The following VTI1A variants were observed in gnomAD, a reference collection of about 807,000 sequenced individuals.
VTI1A encodes the protein vesicle transport through interaction with t-SNAREs 1A.
VTI1A carries 22 observed loss-of-function variants against 34.9 expected under a neutral mutation model. The ratio of observed to expected loss-of-function variants is 0.63; its 90% CI spans 0.45 to 0.90. The LOEUF (loss-of-function observed/expected upper bound fraction) is 0.90. Ranked by LOEUF, VTI1A falls within the 40% of genes least tolerant of loss-of-function variation. VTI1A has a pLI of 0.00. For synonymous variants in VTI1A, 87 were observed against 97.3 expected (o/e 0.89, Z 0.62); for missense variants, 268 against 275.6 (o/e 0.97, Z 0.20).
intron 3 of VTI1A, among the ~76,000 whole-genome samples, chr10:112,478,677 G>A (rs1427552450): frequency 6.6e-6 from 1 of 152,108 alleles, no homozygotes; most frequent in African/African-American, 2.4e-5. Flanking sequence ...CTCTATGATA[G>A]TAGAGTCAGA....
chr10:112,667,157 T>A (rs1361367202), intron 5 of VTI1A, among the ~76,000 whole-genome samples: 3 of 152,158 alleles, frequency 2.0e-5, no homozygotes. Context: ...TTAAATTACT[T>A]GTTATTATTA....
intron 3 of VTI1A, among the ~76,000 whole-genome samples, chr10:112,513,459 A>G (rs1475698237): frequency 6.6e-6 from 1 of 152,040 alleles, no homozygotes; most frequent in Non-Finnish European, 1.5e-5. Context: ...GGTTTTCTAT[A>G]TATAAGGTTA....
In VTI1A at chr10:112,557,940, A is replaced by G. The variant is rs1258751073; in HGVS notation, c.427+19610A>G. Among the ~76,000 whole-genome samples, 3 of 152,234 alleles carry G rather than the reference A, an allele frequency of 2.0e-5. 1 individual carries two copies. Among genetic ancestry groups the G allele is most frequent in the Non-Finnish European group, 4.4e-5 (3 of 68,042 alleles). ...TTTAACCTTTACATAGCAATTAGAA[A>G]CAGATAAGAACAAAGATATTGTTCT... On this transcript the variant is annotated intron_variant, in intron 5 of 7. Transcript: ENST00000393077.
At chr10:112,510,754 C>T (rs1023711771) in intron 3 of VTI1A, among the ~76,000 whole-genome samples, 2 of 152,226 alleles carry the variant, frequency 1.3e-5, no homozygotes, top group African/African-American at 2.4e-5. Flanking sequence ...TTATTTTGAA[C>T]TGATAACTTT....
intron 7 of VTI1A, among the ~76,000 whole-genome samples, chr10:112,741,727 A>G (rs1850701752): frequency 1.3e-5 from 2 of 152,208 alleles, no homozygotes; most frequent in African/African-American, 4.8e-5. Context: ...TCAAAAATCA[A>G]CATATCTGAA....
chr10:112,501,991 A>G (rs1162172292), intron 3 of VTI1A, among the ~76,000 whole-genome samples: 2 of 150,434 alleles, frequency 1.3e-5, no homozygotes, highest in African/African-American at 2.4e-5. Flanking sequence ...AAGTAGCAAA[A>G]TATCTCTCTG....
intron 7 of VTI1A, among the ~76,000 whole-genome samples, chr10:112,805,641 T>G (rs1475556452): frequency 6.6e-6 from 1 of 152,242 alleles, no homozygotes; most frequent in Non-Finnish European, 1.5e-5. Flanking sequence ...TAAACCAATG[T>G]GACCGGTGTC....
chr10:112,662,703 AT>A (rs1847504276), intron 5 of VTI1A, among the ~76,000 whole-genome samples: 1 of 152,102 alleles, frequency 6.6e-6, no homozygotes, highest in Non-Finnish European at 1.5e-5. Context: ...GCATGTCACA[AT>A]TTTATAGTAT....
At position 112,817,459 on chromosome 10, in the gene VTI1A, G is replaced by A. The variant is rs549690306; in HGVS notation, c.*2076G>A. ...ATAGCTTTTTTCGTTCAAGTTCTATGTCTTTATCAGCTCTTGCCTGTGATT... is the reference window on the plus strand; with the variant it reads ...ATAGCTTTTTTCGTTCAAGTTCTATATCTTTATCAGCTCTTGCCTGTGATT... On this transcript the variant is annotated 3_prime_UTR_variant, in exon 8 of 8. Transcript: ENST00000393077. 1.8e-4 allele frequency: 41 copies of A among 230,892 alleles called. No individual in the cohort carries two copies. The highest frequency in any genetic ancestry group is 1.2e-4 in the Non-Finnish European group (14 of 116,612). The allele number at this position is 230,892 out of a possible 1,614,324, so 14.3% of individuals were successfully genotyped here.
chr10:112,528,693 T>G (rs139215047), intron 4 of VTI1A, among the ~76,000 whole-genome samples: 1 of 152,160 alleles, frequency 6.6e-6, no homozygotes, highest in Non-Finnish European at 1.5e-5. Context: ...AAAAACACTA[T>G]CTTTTTTGCA....
rs760882835 is a variant in VTI1A at position 112,447,393 on chromosome 10, G to A, written c.20G>A (p.Gly7Asp). Residue 7 changes from glycine (G) to aspartate (D), a missense_variant, in exon 1 of 8, where the codon GGT becomes GAT. By Grantham distance (94) the Gly-to-Asp change is moderately conservative. Coordinates refer to ENST00000393077, the MANE Select transcript of VTI1A (RefSeq NM_145206.4). MSSDFE[G>D]YEQDFAVLTA... Reference sequence around the variant, plus strand: ...GCCGCCATGTCGTCCGACTTCGAAGGTTACGAGCAGGACTTCGCGGTGCTC... The same window carrying A: ...GCCGCCATGTCGTCCGACTTCGAAGATTACGAGCAGGACTTCGCGGTGCTC... The A allele has an allele frequency of 1.4e-5, 22 of 1,613,540 alleles. No individual in the cohort carries two copies. Among genetic ancestry groups the A allele is most frequent in the African/African-American group, 5.3e-5 (4 of 74,922 alleles).
rs941234030 is a variant in VTI1A, at chr10:112,736,909, G to A, written c.560+67911G>A. ...GTGGAAGTATTTATAGATGCGCAGT[G>A]CATGAGTACTTGGCAAGGATGCTAT... is the stretch of plus-strand genomic sequence containing the variant. On this transcript the variant is annotated intron_variant, in intron 7 of 7. Transcript: ENST00000393077. 3.4e-5 allele frequency: 23 copies of A among 673,252 alleles called. 2 individuals are homozygous for A. Among genetic ancestry groups the A allele is most frequent in the African/African-American group, 1.8e-4 (10 of 56,176 alleles). The allele number at this position is 673,252 out of a possible 1,614,324, so 41.7% of individuals were successfully genotyped here.
chr10:112,676,302 G>A (rs1185589117), intron 7 of VTI1A, among the ~76,000 whole-genome samples: 1 of 151,846 alleles, frequency 6.6e-6, no homozygotes, highest in Non-Finnish European at 1.5e-5. Flanking sequence ...AATACTTCTT[G>A]CACTGCTCTG....
At chr10:112,735,133 A>G (rs1355886942) in intron 7 of VTI1A, among the ~76,000 whole-genome samples, 1 of 152,166 alleles carries the variant, frequency 6.6e-6, no homozygotes, top group Non-Finnish European at 1.5e-5. Context: ...AGAAAATGCA[A>G]CTTTGCTTTT....
chr10:112,624,052 C>T (rs1845829059), intron 5 of VTI1A, among the ~76,000 whole-genome samples: 1 of 152,194 alleles, frequency 6.6e-6, no homozygotes, highest in South Asian at 2.1e-4. Context: ...CACATTTTCA[C>T]TTCCGTCTAA....
At chr10:112,656,595 G>A (rs1847240279) in intron 5 of VTI1A, among the ~76,000 whole-genome samples, 1 of 144,962 alleles carries the variant, frequency 6.9e-6, no homozygotes, top group African/African-American at 2.5e-5. Flanking sequence ...CAAACTCCTG[G>A]GCTCAAGTGA....
chr10:112,828,444 T>C, the VTI1A span, among the ~76,000 whole-genome samples: 3 of 152,102 alleles, frequency 2.0e-5, no homozygotes, highest in Non-Finnish European at 4.4e-5. Flanking sequence ...CTCGCTCTGT[T>C]GCCCTGGCTG....
At chr10:112,703,537 G>A (rs1217145342) in intron 7 of VTI1A, among the ~76,000 whole-genome samples, 1 of 151,992 alleles carries the variant, frequency 6.6e-6, no homozygotes, top group Non-Finnish European at 1.5e-5. Context: ...TTGCACTCCA[G>A]CCTGGGCAAC....
At chr10:112,847,916 A>G in the VTI1A span, among the ~76,000 whole-genome samples, 5 of 152,214 alleles carry the variant, frequency 3.3e-5, no homozygotes, top group African/African-American at 1.2e-4. Context: ...CACCAGGCAT[A>G]TAAGTAAAGA....
Sources: gnomAD v4.1 joint callset for allele counts (sites outside exome capture counted in the v4.1 genomes callset) on GRCh38, gnomAD v4.1.1 for gene constraint, MANE v1.5 for transcripts, NCBI Gene and HGNC (gene_info 2026-07-23, HGNC 2026-07-21) for gene names.